Variants in RCAN2 observed in about 807,000 individuals in gnomAD.
The protein encoded by RCAN2 is regulator of calcineurin 2, also known as calcipressin-2.
A neutral mutation model predicts 23.6 loss-of-function variants in RCAN2; 9 were observed. That is an observed-to-expected ratio of 0.38 (90% CI 0.23 to 0.67). RCAN2 has a LOEUF of 0.67. Ranked by LOEUF, RCAN2 falls within the 30% of genes least tolerant of loss-of-function variation. The pLI is 0.51. For missense variants in RCAN2, 273 were observed against 302.3 expected (o/e 0.90, Z 0.72); for synonymous variants, 109 against 115.7 (o/e 0.94, Z 0.37).
At chr6:46,280,896 T>C (rs898308931) in intron 2 of RCAN2, among the ~76,000 whole-genome samples, 1 of 152,108 alleles carries the variant, frequency 6.6e-6, no homozygotes, top group African/African-American at 2.4e-5. Flanking sequence ...TGTGTGTGTA[T>C]GTGTGGCTAT....
At chr6:46,400,993 T>C (rs1365897498) in intron 2 of RCAN2, among the ~76,000 whole-genome samples, 2 of 152,226 alleles carry the variant, frequency 1.3e-5, no homozygotes, top group Non-Finnish European at 2.9e-5. Flanking sequence ...GACACAGGTC[T>C]TGGCATTTTT....
At chr6:46,439,857 ACT>A (rs1281443163) in intron 2 of RCAN2, among the ~76,000 whole-genome samples, 2 of 152,096 alleles carry the variant, frequency 1.3e-5, no homozygotes, top group Non-Finnish European at 2.9e-5. Context: ...GACACTGAAG[ACT>A]CTCATTCCCT....
intron 2 of RCAN2, among the ~76,000 whole-genome samples, chr6:46,446,570 T>C (rs1288097687): frequency 6.6e-6 from 1 of 152,202 alleles, no homozygotes; most frequent in East Asian, 1.9e-4. Flanking sequence ...TCTACTACTA[T>C]AATGGTTCTA....
intron 2 of RCAN2, among the ~76,000 whole-genome samples, chr6:46,259,242 T>A (rs981025869): frequency 2.0e-5 from 3 of 152,104 alleles, no homozygotes; most frequent in South Asian, 2.1e-4. Context: ...CATTGGAGGT[T>A]TGTTTTTTAA....
chr6:46,225,201 GTTCCAA>G (rs1765620844), intron 4 of RCAN2, among the ~76,000 whole-genome samples: 1 of 152,138 alleles, frequency 6.6e-6, no homozygotes, highest in Non-Finnish European at 1.5e-5. Flanking sequence ...ATTTGGGTTG[GTTCCAA>G]GTCTTTGCTA....
chr6:46,321,541 T>A (rs761403925), intron 2 of RCAN2, among the ~76,000 whole-genome samples: 2 of 152,240 alleles, frequency 1.3e-5, no homozygotes, highest in African/African-American at 2.4e-5. Flanking sequence ...CCTACATGGA[T>A]GCCCATGGAG....
intron 2 of RCAN2, among the ~76,000 whole-genome samples, chr6:46,447,725 T>C (rs1386073262): frequency 6.6e-6 from 1 of 151,548 alleles, no homozygotes; most frequent in African/African-American, 2.4e-5. Flanking sequence ...TACAAAAAAA[T>C]TTAACAAGAT....
intron 2 of RCAN2, among the ~76,000 whole-genome samples, chr6:46,370,328 T>C (rs773452600): frequency 5.3e-5 from 8 of 152,118 alleles, no homozygotes; most frequent in Non-Finnish European, 1.0e-4. Context: ...CCTGATCCCT[T>C]GTTCTGGTTA....
intron 2 of RCAN2, among the ~76,000 whole-genome samples, chr6:46,250,021 A>G (rs6941833): frequency 2.6e-5 from 4 of 152,212 alleles, no homozygotes; most frequent in African/African-American, 9.6e-5. Flanking sequence ...CTTTAGACTC[A>G]ATACACAATT....
At chr6:46,385,519 T>C (rs973038552) in intron 2 of RCAN2, among the ~76,000 whole-genome samples, 4 of 152,132 alleles carry the variant, frequency 2.6e-5, no homozygotes, top group Non-Finnish European at 5.9e-5. Flanking sequence ...AACTGGACCC[T>C]TTTCTTACAC....
intron 2 of RCAN2, among the ~76,000 whole-genome samples, chr6:46,292,730 T>G (rs1428642994): frequency 6.6e-6 from 1 of 152,180 alleles, no homozygotes; most frequent in Non-Finnish European, 1.5e-5. Context: ...ATTTATTTAT[T>G]TTTTTATTAT....
At chr6:46,314,865 A>T (rs1763383635) in intron 2 of RCAN2, among the ~76,000 whole-genome samples, 1 of 152,204 alleles carries the variant, frequency 6.6e-6, no homozygotes, top group Non-Finnish European at 1.5e-5. Flanking sequence ...GTTCAAGACC[A>T]GCCTGGGCAA....
chr6:46,431,557 G>A (rs1007000336), intron 2 of RCAN2, among the ~76,000 whole-genome samples: 3 of 152,122 alleles, frequency 2.0e-5, no homozygotes, highest in Non-Finnish European at 4.4e-5. Flanking sequence ...GCACACACAG[G>A]CATCTGAACG....
chr6:46,458,782 C>A (rs1198150632), intron 1 of RCAN2, among the ~76,000 whole-genome samples: 1 of 152,092 alleles, frequency 6.6e-6, no homozygotes, highest in Non-Finnish European at 1.5e-5. Flanking sequence ...CATAAAACAC[C>A]TAATTACCGT....
intron 2 of RCAN2, among the ~76,000 whole-genome samples, chr6:46,405,952 G>GC (rs1231670306): frequency 3.3e-5 from 5 of 152,212 alleles, no homozygotes; most frequent in Admixed American, 6.5e-5. Context: ...CGAGCACAGC[G>GC]CCGGTGGGTT....
intron 2 of RCAN2, among the ~76,000 whole-genome samples, chr6:46,271,388 C>T (rs975995286): frequency 3.3e-5 from 5 of 152,176 alleles, no homozygotes; most frequent in East Asian, 1.9e-4. Context: ...AGCCCACACA[C>T]GCTATGAAGG....
intron 2 of RCAN2, among the ~76,000 whole-genome samples, chr6:46,447,412 T>C (rs1021224867): frequency 1.3e-5 from 2 of 151,858 alleles, no homozygotes; most frequent in Non-Finnish European, 2.9e-5. Flanking sequence ...ACTTCCATAC[T>C]CCACTTTCAG....
chr6:46,486,168 T>C lies in RCAN2; in HGVS notation c.-3+5005A>G, dbSNP rs145785693. On this transcript the variant is annotated intron_variant, in intron 1 of 4. Transcript: ENST00000371374. The stretch of plus-strand genomic sequence containing the variant: ...GGGAGATAAGGTATTATTTTCCTAA[T>C]TGTACAGATAAGAAAACTGCAACTC... Among the ~76,000 whole-genome samples the C allele has an allele frequency of 1.5e-4, 23 of 152,300 alleles. No homozygotes were observed. In the East Asian group the frequency reaches 3.9e-3, roughly 26 times the overall value.
chr6:46,386,662 C>T (rs1029358793), intron 2 of RCAN2, among the ~76,000 whole-genome samples: 11 of 149,986 alleles, frequency 7.3e-5, no homozygotes, highest in East Asian at 3.9e-4. Flanking sequence ...TACCATCTCA[C>T]GCTATCATGC....
Sources: gnomAD v4.1 joint callset for allele counts (sites outside exome capture counted in the v4.1 genomes callset) on GRCh38, gnomAD v4.1.1 for gene constraint, MANE v1.5 for transcripts, NCBI Gene and HGNC (gene_info 2026-07-23, HGNC 2026-07-21) for gene names.